The following LRIG1 variants were observed in gnomAD, a reference collection of about 807,000 sequenced individuals.
LRIG1 encodes leucine rich repeats and immunoglobulin like domains 1.
In LRIG1, 48 loss-of-function variants were observed where a neutral mutation model predicts 99.2. That is an observed-to-expected ratio of 0.48 (90% CI 0.38 to 0.62). The LOEUF (loss-of-function observed/expected upper bound fraction) is 0.62. LRIG1 is among the 20% of genes least tolerant of loss of function. The pLI is 0.00. For synonymous variants in LRIG1, 772 were observed against 596.1 expected (o/e 1.29, Z -4.30); for missense variants, 1,646 against 1,434.4 (o/e 1.15, Z -2.38).
chr3:66,492,450 A>T (rs1701122467), intron 1 of LRIG1, among the ~76,000 whole-genome samples: 1 of 152,012 alleles, frequency 6.6e-6, no homozygotes, highest in South Asian at 2.1e-4. Flanking sequence ...AAGAAGAAAA[A>T]CCCTGCATTA....
intron 12 of LRIG1, among the ~76,000 whole-genome samples, chr3:66,388,833 T>C (rs1201686167): frequency 6.6e-6 from 1 of 152,216 alleles, no homozygotes; most frequent in South Asian, 2.1e-4. Flanking sequence ...TTGACTGTTA[T>C]CAGGCCTGCC....
At chr3:66,428,974 G>A (rs1413245058) in intron 3 of LRIG1, among the ~76,000 whole-genome samples, 1 of 152,194 alleles carries the variant, frequency 6.6e-6, no homozygotes, top group African/African-American at 2.4e-5. Flanking sequence ...GTTTATTCAG[G>A]TGGAGACTGG....
chr3:66,412,694 GCA>G (rs1195838103), intron 6 of LRIG1, among the ~76,000 whole-genome samples, 175 bp downstream of exon 6: 4 of 152,136 alleles, frequency 2.6e-5, no homozygotes, highest in African/African-American at 7.2e-5. Flanking sequence ...GCGCGCACGT[GCA>G]CACGCGCACG....
chr3:66,435,072 C>CA (rs1553719525), intron 3 of LRIG1, among the ~76,000 whole-genome samples: 52,083 of 151,688 alleles, frequency 0.34, 10,433 homozygotes, highest in Middle Eastern at 0.46. Context: ...GGTTAAAGTA[C>CA]GGCACATCCA....
intron 1 of LRIG1, among the ~76,000 whole-genome samples, chr3:66,476,978 G>A (rs1484573086): frequency 6.6e-6 from 1 of 152,220 alleles, no homozygotes; most frequent in Non-Finnish European, 1.5e-5. Context: ...TGTGGTCTGT[G>A]AGGAGCAGGC....
rs754022346 is a variant in LRIG1 at position 66,383,405 on chromosome 3, C to T, written c.2072-4G>A. On this transcript the variant is annotated splice_region_variant and splice_polypyrimidine_tract_variant and intron_variant, in intron 14 of 18. Transcript: ENST00000273261. ...GGGACCACCAAGGATGGGGTCTCTA[C>T]AAGAGAGCAACAGAGATCTTAGTCA... 1.3e-6 allele frequency: 2 copies of T among 1,540,808 alleles called. No homozygotes were observed. The highest frequency in any genetic ancestry group is 1.8e-6 in the Non-Finnish European group (2 of 1,139,554).
At chr3:66,382,448 T>A in intron 15 of LRIG1, 50 bp from the exon 16 acceptor site, 2 of 1,609,716 alleles carry the variant, frequency 1.2e-6, no homozygotes, top group Non-Finnish European at 1.7e-6. Context: ...TGACAAGAAA[T>A]GCAGACACAC....
At chr3:66,456,673 A>G (rs759566402) in intron 2 of LRIG1, among the ~76,000 whole-genome samples, 2 of 151,680 alleles carry the variant, frequency 1.3e-5, no homozygotes, top group African/African-American at 2.4e-5. Flanking sequence ...ACATACTACC[A>G]TCCCCCGCAC....
At chr3:66,413,263 G>A (rs772779081) in intron 5 of LRIG1, among the ~76,000 whole-genome samples, 5 of 152,216 alleles carry the variant, frequency 3.3e-5, no homozygotes, top group Non-Finnish European at 5.9e-5. Flanking sequence ...AGCCAGCTCC[G>A]AGGCTGGCCC....
chr3:66,442,056 T>C (rs1703558920), intron 3 of LRIG1, among the ~76,000 whole-genome samples: 1 of 152,184 alleles, frequency 6.6e-6, no homozygotes, highest in Non-Finnish European at 1.5e-5. Context: ...CTCAAAAGGC[T>C]GAACAATACA....
chr3:66,417,435 T>C (rs560188391), intron 3 of LRIG1, 169 bp from the exon 4 acceptor site: 3 of 663,568 alleles, frequency 4.5e-6, no homozygotes, highest in South Asian at 1.9e-5. Context: ...GCTGGCCAGA[T>C]GCTAGGAGAA....
chr3:66,469,067 T>C (rs1700540230), intron 1 of LRIG1: 1 of 152,242 alleles, frequency 6.6e-6, no homozygotes, highest in African/African-American at 2.4e-5. Flanking sequence ...AGGCTTATAT[T>C]AAGATGACAA....
At chr3:66,472,817 G>A (rs1700634791) in intron 1 of LRIG1, among the ~76,000 whole-genome samples, 1 of 152,146 alleles carries the variant, frequency 6.6e-6, no homozygotes, top group African/African-American at 2.4e-5. Context: ...CTCCATCTGA[G>A]TCATTCATTA....
intron 7 of LRIG1, among the ~76,000 whole-genome samples, chr3:66,408,957 T>TG (rs1288551507): frequency 1.5e-5 from 1 of 66,728 alleles, no homozygotes; most frequent in African/African-American, 6.0e-5. Flanking sequence ...TGTGTGTGTG[T>TG]GTGTGGTGGG....
chr3:66,399,091 C>A, intron 9 of LRIG1, 50 bp from the exon 10 acceptor site: 1 of 1,422,186 alleles, frequency 7.0e-7, no homozygotes, highest in South Asian at 1.2e-5. Flanking sequence ...GAAAGCGAAA[C>A]AGGAAGGGTT....
rs141626970 is a variant in LRIG1 at position 66,384,220 on chromosome 3, G to C, written c.1842C>G (p.Thr614=). The change falls in exon 14 of 19, where the codon ACC becomes ACG. Residue 614 remains threonine, a synonymous_variant. Transcript: ENST00000273261. The part of the protein sequence containing the change: ...TPHDITIRTT[T]MARLECAATG... Reference sequence around the variant, plus strand: ...TGGCAGCACATTCGAGGCGGGCCATGGTGGTGGTCCGGATGGTTATGTCGT... The same window carrying C: ...TGGCAGCACATTCGAGGCGGGCCATCGTGGTGGTCCGGATGGTTATGTCGT... 1 of 1,614,028 alleles carries C rather than the reference G, an allele frequency of 6.2e-7. No individual in the cohort carries two copies. Among genetic ancestry groups the C allele is most frequent in the Non-Finnish European group, 8.5e-7 (1 of 1,179,916 alleles).
chr3:66,480,786 T>C (rs994857335), intron 1 of LRIG1, among the ~76,000 whole-genome samples: 5 of 152,196 alleles, frequency 3.3e-5, no homozygotes, highest in Admixed American at 6.5e-5. Context: ...CTTTGAGAAA[T>C]TATTTAGCAA....
intron 5 of LRIG1, 81 bp from the exon 6 acceptor site, chr3:66,413,095 G>C: frequency 6.5e-7 from 1 of 1,532,580 alleles, no homozygotes; most frequent in Non-Finnish European, 9.0e-7. Flanking sequence ...TCCTGGCTAA[G>C]TTTCCAAGCC....
At chr3:66,424,947 A>G (rs1336032631) in intron 3 of LRIG1, among the ~76,000 whole-genome samples, 1 of 152,256 alleles carries the variant, frequency 6.6e-6, no homozygotes, top group Non-Finnish European at 1.5e-5. Flanking sequence ...TTTAAGGTAG[A>G]CTAGGCTAGG....
Sources: allele counts gnomAD v4.1 joint callset (sites outside exome capture counted in the v4.1 genomes callset), GRCh38; gene constraint gnomAD v4.1.1; transcripts MANE v1.5; gene names NCBI Gene and HGNC (gene_info 2026-07-23, HGNC 2026-07-21).